EFCAB6: variants seen among roughly 807,000 people sequenced by gnomAD.
EFCAB6 encodes EF-hand calcium-binding domain-containing protein 6.
Under a neutral mutation model 169.8 loss-of-function variants are expected in EFCAB6, and 156 were observed. That is an observed-to-expected ratio of 0.92 (90% CI 0.81 to 1.05). The LOEUF is 1.05. Among genes scored for constraint, EFCAB6 ranks in the 50% least tolerant of loss-of-function variants. The pLI is 0.00. For missense variants in EFCAB6, 1,800 were observed against 1,829.1 expected (o/e 0.98, Z 0.29); for synonymous variants, 698 against 676.4 (o/e 1.03, Z -0.50).
At chr22:43,569,638 G>T (rs1385189867) in intron 26 of EFCAB6, among the ~76,000 whole-genome samples, 2 of 152,194 alleles carry the variant, frequency 1.3e-5, no homozygotes, top group Non-Finnish European at 2.9e-5. Flanking sequence ...GGCACAGGGG[G>T]CCTAGCAGCC....
intron 23 of EFCAB6, among the ~76,000 whole-genome samples, chr22:43,591,659 C>T (rs1490718311): frequency 6.6e-6 from 1 of 152,098 alleles, no homozygotes; most frequent in Non-Finnish European, 1.5e-5. Context: ...CAGGACAAGA[C>T]TGGACCTTAC....
chr22:43,717,171 T>C (rs1382130201), intron 8 of EFCAB6, among the ~76,000 whole-genome samples, 199 bp from the exon 9 acceptor site: 1 of 152,152 alleles, frequency 6.6e-6, no homozygotes, highest in Non-Finnish European at 1.5e-5. Context: ...CTACTCACTA[T>C]CTTACTCTAG....
chr22:43,676,376 G>A (rs1336368209), intron 13 of EFCAB6, among the ~76,000 whole-genome samples: 1 of 145,410 alleles, frequency 6.9e-6, no homozygotes, highest in Non-Finnish European at 1.5e-5. Flanking sequence ...CCGAGATCAT[G>A]CCACTGCACT....
At position 43,580,481 on chromosome 22, in the gene EFCAB6, G is replaced by A. The variant is rs1270182948; in HGVS notation, c.3211C>T (p.Gln1071Ter). ...RKIQEVVESS[Q>*]LALSTAFSAL... ...TGTCATACCGTGGACAAAGCCAGCTGGGAGGACTCAACTACTTCCTGGATC... is the reference window on the plus strand; with the variant it reads ...TGTCATACCGTGGACAAAGCCAGCTAGGAGGACTCAACTACTTCCTGGATC... Residue 1071 changes from glutamine (Q) to a stop codon, truncating the protein, a stop_gained, in exon 25 of 32, where the codon CAG becomes TAG. Coordinates refer to ENST00000262726, the MANE Select transcript of EFCAB6 (RefSeq NM_022785.4). LOFTEE classifies it high-confidence loss of function. 6.2e-7 allele frequency: 1 copy of A among 1,614,112 alleles called. No individual in the cohort carries two copies. The highest frequency in any genetic ancestry group is 8.5e-7 in the Non-Finnish European group (1 of 1,180,016).
intron 27 of EFCAB6, among the ~76,000 whole-genome samples, chr22:43,543,781 A>G (rs1411796280): frequency 6.6e-6 from 1 of 152,168 alleles, no homozygotes; most frequent in African/African-American, 2.4e-5. Flanking sequence ...AAAGGCAGCA[A>G]GAGAGGGAAA....
chr22:43,666,691 G>GGT (rs1205381807), intron 17 of EFCAB6, among the ~76,000 whole-genome samples: 1 of 77,866 alleles, frequency 1.3e-5, no homozygotes, highest in Non-Finnish European at 2.3e-5. Flanking sequence ...CTGCCAGATT[G>GGT]TTTTTTTTTT....
intron 4 of EFCAB6, among the ~76,000 whole-genome samples, chr22:43,770,237 A>C (rs1277034715): frequency 1.3e-5 from 2 of 152,104 alleles, no homozygotes; most frequent in African/African-American, 4.8e-5. Context: ...CCTTGGCTCA[A>C]ATGATGCTCC....
In EFCAB6 at chr22:43,744,952, C is replaced by T. The variant is rs189186577; in HGVS notation, c.508-8959G>A. ...CCACACTTGAGGTTTAAACTGAACT[C>T]GCCTGCACTGGACCTGTTTAGACCT... On this transcript the variant is annotated intron_variant, in intron 6 of 31. Coordinates refer to ENST00000262726, the MANE Select transcript of EFCAB6 (RefSeq NM_022785.4). The surrounding 1 kb of genome is among the most constrained non-coding windows in gnomAD (Gnocchi z 4.3). Among the ~76,000 whole-genome samples the T allele has an allele frequency of 2.0e-5, 3 of 152,284 alleles. No individual in the cohort carries two copies. The highest frequency in any genetic ancestry group is 2.1e-4 in the South Asian group (1 of 4,824).
chr22:43,697,197 T>A (rs143463067), intron 10 of EFCAB6, among the ~76,000 whole-genome samples: 1 of 152,344 alleles, frequency 6.6e-6, no homozygotes, highest in East Asian at 1.9e-4. Flanking sequence ...AATTAACACC[T>A]TTCTGAAGTG....
chr22:43,786,776 T>C (rs1033665034), intron 2 of EFCAB6, among the ~76,000 whole-genome samples: 1 of 151,722 alleles, frequency 6.6e-6, no homozygotes, highest in Non-Finnish European at 1.5e-5. Context: ...TAAAAACCAA[T>C]ATTCCTTATG....
At chr22:43,652,920 G>A (rs1373795785) in intron 17 of EFCAB6, among the ~76,000 whole-genome samples, 2 of 151,998 alleles carry the variant, frequency 1.3e-5, no homozygotes, top group Non-Finnish European at 2.9e-5. Context: ...AACCTAATGA[G>A]CATCCCACTA....
At chr22:43,533,483 A>G (rs1490332885) in intron 30 of EFCAB6, 1 of 152,266 alleles carries the variant, frequency 6.6e-6, no homozygotes, top group Non-Finnish European at 1.5e-5. Flanking sequence ...ACCTGGGATC[A>G]AGGCTACTGG....
At chr22:43,724,365 T>G (rs2147522987) in intron 8 of EFCAB6, among the ~76,000 whole-genome samples, 1 of 125,896 alleles carries the variant, frequency 7.9e-6, no homozygotes, top group Non-Finnish European at 1.6e-5. Flanking sequence ...TATTTCTTTT[T>G]TCTTTTTTTT....
In EFCAB6 at chr22:43,628,595, C is replaced by T. The variant is rs1366094229; in HGVS notation, c.2233-1916G>A. Reference sequence around the variant, plus strand: ...TGGCCGTGGCCCACAAGCCTGTCTACACCCCCATCCCACCCGTCCCCTCAC... The same window carrying T: ...TGGCCGTGGCCCACAAGCCTGTCTATACCCCCATCCCACCCGTCCCCTCAC... On this transcript the variant is annotated intron_variant, in intron 19 of 31. Transcript: ENST00000262726. This position sits in a 1 kb window ranked among gnomAD's most constrained non-coding sequence, Gnocchi z 4.8. 6.6e-6 allele frequency among the ~76,000 whole-genome samples: 1 copy of T among 152,202 alleles called. No homozygotes were observed. The highest frequency in any genetic ancestry group is 2.4e-5 in the African/African-American group (1 of 41,460).
intron 6 of EFCAB6, among the ~76,000 whole-genome samples, chr22:43,742,000 C>A (rs2060389753): frequency 6.6e-6 from 1 of 152,088 alleles, no homozygotes; most frequent in Non-Finnish European, 1.5e-5. Flanking sequence ...AACCGCTGAA[C>A]CGGTAACAAA....
At position 43,716,909 on chromosome 22, in the gene EFCAB6, G is replaced by A. The variant is rs754700730; in HGVS notation, c.821C>T (p.Ser274Leu). The change falls in exon 9 of 32, where the codon TCA becomes TTA. Residue 274 changes from serine to leucine, a missense_variant. Coordinates refer to ENST00000262726, the MANE Select transcript of EFCAB6 (RefSeq NM_022785.4). Reference sequence around the variant, plus strand: ...GTAGTTTCTCCAGATATCTTCAGATGATGCAGAACCTAGCAAACGTTCCTT... The same window carrying A: ...GTAGTTTCTCCAGATATCTTCAGATAATGCAGAACCTAGCAAACGTTCCTT... ...SKKERLLGSA[S>L]SEDIWRNYSL... 52 of 1,596,336 alleles carry A rather than the reference G, an allele frequency of 3.3e-5. 1 individual carries two copies. The highest frequency in any genetic ancestry group is 3.5e-5 in the South Asian group (3 of 86,406).
At chr22:43,585,618 A>C (rs2051012954) in intron 24 of EFCAB6, among the ~76,000 whole-genome samples, 1 of 152,192 alleles carries the variant, frequency 6.6e-6, no homozygotes, top group Non-Finnish European at 1.5e-5. Flanking sequence ...AACATTCCCA[A>C]AATTAATGAC....
Position 43,534,832 on chromosome 22 carries a change from C to T in EFCAB6, c.4089G>A (p.Glu1363=). 6.2e-7 allele frequency: 1 copy of T among 1,611,280 alleles called. No individual in the cohort carries two copies. Among genetic ancestry groups the T allele is most frequent in the African/African-American group, 1.3e-5 (1 of 74,936 alleles). ...CGTATTTTATAATGAGCTGCTGACA[C>T]TCCTCTTTGCTTATGTCCAGGTTGA... The part of the protein sequence containing the change: ...EKFNLDISKE[E]CQQLIIKYDL... The change falls in exon 30 of 32, where the codon GAG becomes GAA. Residue 1363 remains glutamate, a synonymous_variant. Coordinates refer to ENST00000262726, the MANE Select transcript of EFCAB6 (RefSeq NM_022785.4).
intron 13 of EFCAB6, among the ~76,000 whole-genome samples, chr22:43,675,470 A>AAT (rs1254457075): frequency 1.2e-4 from 16 of 137,048 alleles, no homozygotes; most frequent in African/African-American, 1.4e-4. Flanking sequence ...TATAATATAT[A>AAT]ATATAATATG....
Sources: allele counts gnomAD v4.1 joint callset (sites outside exome capture counted in the v4.1 genomes callset), GRCh38; gene constraint gnomAD v4.1.1; non-coding constraint Gnocchi (gnomAD v3.1); transcripts MANE v1.5; gene names NCBI Gene and HGNC (gene_info 2026-07-23, HGNC 2026-07-21).